The following AGBL4 variants were observed in gnomAD, a reference collection of about 807,000 sequenced individuals.
The protein encoded by AGBL4 is cytosolic carboxypeptidase 6.
Under a neutral mutation model 66.4 loss-of-function variants are expected in AGBL4, and 58 were observed. The ratio of observed to expected loss-of-function variants is 0.87; its 90% CI spans 0.71 to 1.09. The LOEUF is 1.09. Ranked by LOEUF, AGBL4 falls within the 50% of genes least tolerant of loss-of-function variation. The probability of loss-of-function intolerance (pLI) is 0.00; values close to 1 mark genes in which losing one functional copy is unlikely to be tolerated. For synonymous variants in AGBL4, 234 were observed against 222.9 expected (o/e 1.05, Z -0.44); for missense variants, 579 against 631.0 (o/e 0.92, Z 0.88).
intron 1 of AGBL4, among the ~76,000 whole-genome samples, chr1:50,002,561 G>A (rs1368583411): frequency 6.6e-6 from 1 of 151,366 alleles, no homozygotes; most frequent in East Asian, 1.9e-4. Context: ...AGTAGAGACG[G>A]GGTTTCACCG....
Position 49,045,810 on chromosome 1 carries a change from A to G in AGBL4, c.378-10T>C. The G allele has an allele frequency of 6.5e-7, 1 of 1,545,926 alleles. No individual in the cohort carries two copies. On this transcript the variant is annotated splice_polypyrimidine_tract_variant and intron_variant, in intron 4 of 13. Coordinates refer to ENST00000371839, the MANE Select transcript of AGBL4 (RefSeq NM_032785.4). ...GGGTGGCAGCCTTTGCCTAAAATAT[A>G]TAAACAAAGAAATTTGGGCATATGA... is the stretch of plus-strand genomic sequence containing the variant.
chr1:49,234,676 C>T (rs997301044), intron 4 of AGBL4, among the ~76,000 whole-genome samples: 4 of 152,092 alleles, frequency 2.6e-5, no homozygotes, highest in Admixed American at 2.6e-4. Flanking sequence ...TTCATTTCTC[C>T]CTGCTCACTC....
intron 5 of AGBL4, among the ~76,000 whole-genome samples, chr1:48,931,623 G>C (rs975357227): frequency 9.2e-5 from 14 of 151,916 alleles, no homozygotes; most frequent in African/African-American, 3.4e-4. Context: ...GTGCTCAAAT[G>C]GTCCTTAGAC....
At chr1:49,844,795 C>A in intron 2 of AGBL4, 1 of 1,564,588 alleles carries the variant, frequency 6.4e-7, no homozygotes. Flanking sequence ...CTGGGATGGT[C>A]TGTGGTACTG....
At chr1:48,972,015 G>C (rs1341046397) in intron 5 of AGBL4, among the ~76,000 whole-genome samples, 1 of 152,196 alleles carries the variant, frequency 6.6e-6, no homozygotes, top group Non-Finnish European at 1.5e-5. Context: ...TCTGCATTGA[G>C]AGAATGATCA....
intron 2 of AGBL4, among the ~76,000 whole-genome samples, chr1:49,773,475 G>A (rs746866104): frequency 2.0e-5 from 3 of 152,108 alleles, no homozygotes; most frequent in Non-Finnish European, 4.4e-5. Flanking sequence ...GGTGTCAACC[G>A]GAAACACTGT....
chr1:49,665,238 A>G (rs1378924245), intron 3 of AGBL4, among the ~76,000 whole-genome samples: 1 of 152,166 alleles, frequency 6.6e-6, no homozygotes, highest in Non-Finnish European at 1.5e-5. Flanking sequence ...ATAGACTTTG[A>G]ATACAGTGAA....
At chr1:48,591,350 C>T (rs536082312) in intron 9 of AGBL4, among the ~76,000 whole-genome samples, 109 of 152,232 alleles carry the variant, frequency 7.2e-4, no homozygotes, top group African/African-American at 2.2e-3. Flanking sequence ...ACTAGACATT[C>T]GTGGAATTTA....
intron 9 of AGBL4, among the ~76,000 whole-genome samples, chr1:48,597,302 C>T (rs1645008078): frequency 6.6e-6 from 1 of 152,182 alleles, no homozygotes; most frequent in African/African-American, 2.4e-5. Flanking sequence ...TATCATAGGA[C>T]TTCAGGGTGA....
chr1:49,763,777 C>T (rs541214309), intron 2 of AGBL4, among the ~76,000 whole-genome samples: 27 of 152,300 alleles, frequency 1.8e-4, no homozygotes, highest in Admixed American at 9.1e-4. Flanking sequence ...CAATTCCACA[C>T]GGAACCCGTC....
intron 3 of AGBL4, among the ~76,000 whole-genome samples, chr1:49,251,684 C>G (rs1176509269): frequency 6.6e-6 from 1 of 152,222 alleles, no homozygotes; most frequent in Non-Finnish European, 1.5e-5. Flanking sequence ...TCTGCCAGCA[C>G]TCTGCTGCAG....
chr1:49,266,821 C>T (rs11205618), intron 3 of AGBL4, among the ~76,000 whole-genome samples: 3,059 of 152,208 alleles, frequency 0.02, 116 homozygotes, highest in African/African-American at 0.07. Flanking sequence ...GACATATGAG[C>T]ATGTTAAAAA....
At chr1:49,324,906 C>G (rs943390825) in intron 3 of AGBL4, among the ~76,000 whole-genome samples, 1 of 152,208 alleles carries the variant, frequency 6.6e-6, no homozygotes, top group African/African-American at 2.4e-5. Context: ...AATGATCACA[C>G]AGTCCTTATA....
chr1:49,222,491 G>A (rs566286699), intron 4 of AGBL4, among the ~76,000 whole-genome samples: 1 of 152,246 alleles, frequency 6.6e-6, no homozygotes, highest in East Asian at 1.9e-4. Context: ...ATCTAATAAA[G>A]CAAAATTTAT....
intron 5 of AGBL4, among the ~76,000 whole-genome samples, chr1:49,006,432 C>T (rs921130873): frequency 1.1e-4 from 16 of 152,114 alleles, no homozygotes; most frequent in African/African-American, 2.2e-4. Flanking sequence ...AACTGCAAGG[C>T]GGCAGCGAGG....
intron 6 of AGBL4, among the ~76,000 whole-genome samples, chr1:48,844,528 G>C (rs536587827): frequency 1.3e-4 from 20 of 152,310 alleles, no homozygotes; most frequent in African/African-American, 4.6e-4. Flanking sequence ...CTGTTAACAG[G>C]AAAGACAAAG....
At chr1:49,589,151 A>G (rs925760856) in intron 3 of AGBL4, among the ~76,000 whole-genome samples, 1 of 152,180 alleles carries the variant, frequency 6.6e-6, no homozygotes, top group African/African-American at 2.4e-5. Context: ...ATATAAGCTG[A>G]GTTGAACTAG....
chr1:49,672,992 G>GAAAA (rs1646511396), intron 3 of AGBL4, among the ~76,000 whole-genome samples: 1 of 143,240 alleles, frequency 7.0e-6, no homozygotes, highest in African/African-American at 2.6e-5. Context: ...AACTAACAAA[G>GAAAA]AAAAAGAAAA....
At chr1:49,339,882 A>G (rs1645504268) in intron 3 of AGBL4, among the ~76,000 whole-genome samples, 2 of 152,144 alleles carry the variant, frequency 1.3e-5, no homozygotes, top group South Asian at 4.1e-4. Flanking sequence ...CATCAAAGAG[A>G]AGTTTCCTCA....
Sources: gnomAD v4.1 joint callset for allele counts (sites outside exome capture counted in the v4.1 genomes callset) on GRCh38, gnomAD v4.1.1 for gene constraint, MANE v1.5 for transcripts, NCBI Gene and HGNC (gene_info 2026-07-23, HGNC 2026-07-21) for gene names.